Variants in PKD2L1 observed in about 807,000 individuals in gnomAD.
The protein encoded by PKD2L1 is polycystin-2-like protein 1.
A neutral mutation model predicts 93.0 loss-of-function variants in PKD2L1; 77 were observed. The ratio of observed to expected loss-of-function variants is 0.83; its 90% confidence interval spans 0.69 to 1.00. The LOEUF (loss-of-function observed/expected upper bound fraction) is 1.00. Ranked by LOEUF, PKD2L1 falls within the 50% of genes least tolerant of loss-of-function variation. The pLI is 0.00. For missense variants in PKD2L1, 977 were observed against 990.9 expected (o/e 0.99, Z 0.19); for synonymous variants, 390 against 388.0 (o/e 1.01, Z -0.06).
intron 2 of PKD2L1, among the ~76,000 whole-genome samples, chr10:100,311,845 A>C (rs1848941430): frequency 6.6e-6 from 1 of 152,148 alleles, no homozygotes; most frequent in African/African-American, 2.4e-5. Flanking sequence ...CGAACACATA[A>C]AGGAACTATT....
chr10:100,323,727 C>T (rs1018756604), intron 2 of PKD2L1, among the ~76,000 whole-genome samples: 4 of 152,156 alleles, frequency 2.6e-5, no homozygotes, highest in African/African-American at 4.8e-5. Flanking sequence ...AGATATAATA[C>T]ATTATTATTA....
rs777226908 is a variant in PKD2L1 at position 100,293,362 on chromosome 10, G to T, written c.1677C>A (p.Ile559=). The T allele has an allele frequency of 1.2e-6, 2 of 1,611,756 alleles. No homozygotes were observed. The part of the protein sequence containing the change: ...FFVLLNMFLA[I]INDTYSEVKE... ...TGACCTCTGAATATGTGTCATTGAT[G>T]ATGGCCAGGAACATGTTCTGGAAAA... Residue 559 remains isoleucine (I), a synonymous_variant, in exon 10 of 16, where the codon ATC becomes ATA. Coordinates refer to ENST00000318222, the MANE Select transcript of PKD2L1 (RefSeq NM_016112.3).
chr10:100,324,296 A>G (rs1849329022), intron 2 of PKD2L1, among the ~76,000 whole-genome samples: 1 of 152,210 alleles, frequency 6.6e-6, no homozygotes, highest in Non-Finnish European at 1.5e-5. Flanking sequence ...ACACATGACT[A>G]TTACCTGAAG....
intron 3 of PKD2L1, among the ~76,000 whole-genome samples, chr10:100,299,060 G>C (rs887467983): frequency 6.6e-6 from 1 of 152,106 alleles, no homozygotes; most frequent in African/African-American, 2.4e-5. Context: ...AGGTTCAAGC[G>C]ATTCTCCTGC....
intron 2 of PKD2L1, among the ~76,000 whole-genome samples, chr10:100,322,859 T>C (rs1055304825): frequency 6.6e-6 from 1 of 152,196 alleles, no homozygotes; most frequent in African/African-American, 2.4e-5. Context: ...AGGCAACCAA[T>C]TGCTGAGTTG....
chr10:100,300,657 A>G (rs924087325), intron 2 of PKD2L1, among the ~76,000 whole-genome samples: 8 of 152,054 alleles, frequency 5.3e-5, no homozygotes, highest in Non-Finnish European at 1.0e-4. Context: ...TCAGTGCATG[A>G]TATCAGGAAC....
chr10:100,290,180 G>T, intron 13 of PKD2L1, 42 bp from the exon 14 acceptor site: 1 of 1,611,792 alleles, frequency 6.2e-7, no homozygotes. Flanking sequence ...AGAAATCTGT[G>T]TCTGGGGGCT....
intron 9 of PKD2L1, among the ~76,000 whole-genome samples, chr10:100,294,116 T>C (rs1848467186): frequency 6.6e-6 from 1 of 151,900 alleles, no homozygotes. Flanking sequence ...CTGTCTAAAA[T>C]AAATAAATAA....
At chr10:100,327,395 T>A (rs1849402495) in intron 2 of PKD2L1, among the ~76,000 whole-genome samples, 1 of 152,218 alleles carries the variant, frequency 6.6e-6, no homozygotes, top group Admixed American at 6.5e-5. Flanking sequence ...ACAGACCATC[T>A]GGCAATGCAT....
Position 100,293,024 on chromosome 10 carries a change from C to A in PKD2L1, c.1804G>T (p.Val602Phe), listed in dbSNP as rs1848439559. ...TGCAGGACCTTCTGCACATCCGAAA[C>A]CCTCTCCTTCCTCAGACGCAGTCTT... ...LLRLRLRKERVSDVQKVLQGG... is the reference protein window; with the variant it reads ...LLRLRLRKERFSDVQKVLQGG... Residue 602 changes from valine to phenylalanine, a missense_variant, in exon 11 of 16, where the codon GTT (valine) becomes TTT (phenylalanine). Physicochemically the swap from Val to Phe is conservative, Grantham distance 50. Transcript: ENST00000318222. The A allele has an allele frequency of 6.2e-6, 10 of 1,614,076 alleles. No individual in the cohort carries two copies. Among genetic ancestry groups the A allele is most frequent in the African/African-American group, 1.3e-5 (1 of 74,930 alleles).
chr10:100,322,220 AAAAC>A (rs1849276004), intron 2 of PKD2L1, among the ~76,000 whole-genome samples: 1 of 152,048 alleles, frequency 6.6e-6, no homozygotes, highest in African/African-American at 2.4e-5. Flanking sequence ...GCCCGGTCTC[AAAAC>A]AACAACAACA....
chr10:100,297,741 T>TGTGTGTGTGG (rs1164279355), intron 4 of PKD2L1, 135 bp from the exon 5 acceptor site: 2 of 494,380 alleles, frequency 4.0e-6, no homozygotes, highest in African/African-American at 4.2e-5. Context: ...TGTGTGTGTG[T>TGTGTGTGTGG]GTGTATGAGA....
chr10:100,324,880 C>T (rs1054523455), intron 2 of PKD2L1, among the ~76,000 whole-genome samples: 1 of 152,190 alleles, frequency 6.6e-6, no homozygotes, highest in Non-Finnish European at 1.5e-5. Flanking sequence ...GAAAAGCACA[C>T]TGGCACAGCT....
At chr10:100,300,942 C>G (rs1403684694) in intron 2 of PKD2L1, among the ~76,000 whole-genome samples, 1 of 152,214 alleles carries the variant, frequency 6.6e-6, no homozygotes, top group East Asian at 1.9e-4. Context: ...GAACCTGCCC[C>G]CGATAATTCA....
intron 2 of PKD2L1, among the ~76,000 whole-genome samples, chr10:100,318,873 A>C (rs1849165713): frequency 7.5e-6 from 1 of 133,078 alleles, no homozygotes; most frequent in Non-Finnish European, 1.6e-5. Context: ...TTTAGATGGA[A>C]TCTCACTCTG....
At chr10:100,297,303 T>G in intron 5 of PKD2L1, 79 bp downstream of exon 5, 1 of 1,532,102 alleles carries the variant, frequency 6.5e-7, no homozygotes, top group Admixed American at 1.7e-5. Flanking sequence ...AGGGTAGGAG[T>G]TTAGGGAAGG....
At chr10:100,314,646 A>G (rs911554374) in intron 2 of PKD2L1, among the ~76,000 whole-genome samples, 1 of 152,190 alleles carries the variant, frequency 6.6e-6, no homozygotes, top group South Asian at 2.1e-4. Context: ...TCCACCTCAC[A>G]GACGGCATTG....
chr10:100,329,794 C>CA lies in PKD2L1; in HGVS notation c.235+74dup. ...TCTTCTTCAGATCACATTCCACCCCCACCCCCTGCCCAAAAGCTTTTGGTG... is the reference window on the plus strand; with the variant it reads ...TCTTCTTCAGATCACATTCCACCCCCAACCCCCTGCCCAAAAGCTTTTGGTG... On this transcript the variant is annotated intron_variant, in intron 1 of 15. Transcript: ENST00000318222. The CA allele has an allele frequency of 2.9e-6, 3 of 1,021,726 alleles. No homozygotes were observed. The South Asian group carries it at 4.4e-5, about 15-fold the overall frequency. The allele number at this position is 1,021,726 out of a possible 1,614,324, so 63.3% of individuals were successfully genotyped here.
intron 2 of PKD2L1, among the ~76,000 whole-genome samples, chr10:100,321,732 A>C (rs1334293529): frequency 1.0e-4 from 1 of 9,934 alleles, no homozygotes; most frequent in Non-Finnish European, 2.4e-4. Flanking sequence ...AGAAAGAAAG[A>C]AAGAAAGAAA....
Sources: allele counts gnomAD v4.1 joint callset (sites outside exome capture counted in the v4.1 genomes callset), GRCh38; gene constraint gnomAD v4.1.1; transcripts MANE v1.5; gene names NCBI Gene and HGNC (gene_info 2026-07-23, HGNC 2026-07-21).